ZNF333: variants seen among roughly 807,000 people sequenced by gnomAD.
ZNF333 encodes zinc finger protein 333.
In ZNF333, 61 loss-of-function variants were observed where a neutral mutation model predicts 76.1. The ratio of observed to expected loss-of-function variants is 0.80; its 90% CI spans 0.65 to 0.99. The LOEUF (loss-of-function observed/expected upper bound fraction) is 0.99. ZNF333 is among the 50% of genes least tolerant of loss of function. The probability of loss-of-function intolerance (pLI) is 0.00; values close to 1 mark genes in which losing one functional copy is unlikely to be tolerated. For synonymous variants in ZNF333, 284 were observed against 305.0 expected, an observed-to-expected ratio of 0.93 and a Z score of 0.72; for missense variants, 717 against 822.4, an observed-to-expected ratio of 0.87 and a Z score of 1.57.
At chr19:14,714,628 G>A (rs946266257) in intron 7 of ZNF333, 2 of 152,400 alleles carry the variant, frequency 1.3e-5, no homozygotes, top group Non-Finnish European at 2.9e-5. Flanking sequence ...GTCAGGGATT[G>A]GGTGTGGGTC....
At chr19:14,731,284 C>G (rs1331162669) in exon 12 of ZNF333, 2 of 1,209,550 alleles carry the variant, frequency 1.7e-6, no homozygotes, top group African/African-American at 1.5e-5. Context: ...CTTGAAGACT[C>G]CAAATCTGCA....
chr19:14,719,164 A>G lies in ZNF333; in HGVS notation c.1837A>G (p.Ser613Gly). 9.9e-6 allele frequency: 16 copies of G among 1,614,220 alleles called. No homozygotes were observed. Among genetic ancestry groups the G allele is most frequent in the African/African-American group, 1.3e-5 (1 of 75,042 alleles). ...SHLIVHVRTH[S>G]AGRPYQCNQC... ...TCTTATTGTACATGTGAGAACACAC[A>G]GTGCCGGGAGACCCTATCAATGTAA... Residue 613 changes from serine (S) to glycine (G), a missense_variant, in exon 12 of 12, where the codon AGT (serine) becomes GGT (glycine). Physicochemically the swap from Ser to Gly is moderately conservative, Grantham distance 56. Transcript: ENST00000292530.
At chr19:14,716,959 T>A in intron 9 of ZNF333, 35 bp from the exon 10 acceptor site, 1 of 1,577,620 alleles carries the variant, frequency 6.3e-7, no homozygotes, top group Non-Finnish European at 8.6e-7. Flanking sequence ...CATGGCACAG[T>A]CCTCGCACAA....
intron 5 of ZNF333, chr19:14,700,142 C>T (rs1973573600): frequency 1.3e-5 from 2 of 152,572 alleles, no homozygotes; most frequent in South Asian, 4.1e-4. Flanking sequence ...GTACCTGGGA[C>T]CACAGGCCTG....
intron 7 of ZNF333, among the ~76,000 whole-genome samples, chr19:14,713,357 C>A (rs2042332808): frequency 6.6e-6 from 1 of 152,114 alleles, no homozygotes; most frequent in African/African-American, 2.4e-5. Context: ...GACCTCTGGA[C>A]CTCATTTTGG....
At chr19:14,730,459 T>TTCCCTCCCTTCCTCCCTTC (rs2042660989) in intron 11 of ZNF333, among the ~76,000 whole-genome samples, 230 of 150,896 alleles carry the variant, frequency 1.5e-3, no homozygotes, top group African/African-American at 5.3e-3. Flanking sequence ...TCCCTTCCTC[T>TTCCCTCCCTTCCTCCCTTC]CTTTCTTTCA....
At position 14,717,898 on chromosome 19, in the gene ZNF333, G is replaced by T. The variant is rs138597442; in HGVS notation, c.900+165G>T. On this transcript the variant is annotated intron_variant, in intron 11 of 11. Transcript: ENST00000292530. ...GAGAGTCCGTGAATGTCATGAATTG[G>T]TGGAAAACTAAATGTAGATCATGTT... Among the ~76,000 whole-genome samples the T allele has an allele frequency of 1.7e-3, 254 of 152,328 alleles. 1 individual carries two copies. The highest frequency in any genetic ancestry group is 2.8e-3 in the Non-Finnish European group (190 of 68,030).
At chr19:14,712,911 A>G (rs62125498) in intron 7 of ZNF333, among the ~76,000 whole-genome samples, 5,897 of 152,238 alleles carry the variant, frequency 0.039, 137 homozygotes, top group Middle Eastern at 0.092. Flanking sequence ...AGTTCAAACC[A>G]TAGCAGTCTG....
intron 9 of ZNF333, among the ~76,000 whole-genome samples, chr19:14,716,745 G>A (rs1228844240): frequency 1.3e-5 from 2 of 152,180 alleles, no homozygotes; most frequent in African/African-American, 4.8e-5. Context: ...AAGTTTTTGG[G>A]CTTCTCAAAG....
Position 14,708,415 on chromosome 19 carries a change from C to T in ZNF333, c.511+1642C>T, listed in dbSNP as rs544656229. 22 of 401,246 alleles carry T rather than the reference C, an allele frequency of 5.5e-5. 1 individual carries two copies. The South Asian group carries it at 2.6e-3, about 48-fold the overall frequency. The allele number at this position is 401,246 out of a possible 1,614,324, so 24.9% of individuals were successfully genotyped here. The stretch of plus-strand genomic sequence containing the variant: ...ACACCGACCCCTCCTCCGTGGAGCT[C>T]ACGGTCAGCTGGGTGGTCAGAGTTC... On this transcript the variant is annotated intron_variant, in intron 7 of 11. Coordinates refer to ENST00000292530, the MANE Select transcript of ZNF333 (RefSeq NM_032433.4).
Position 14,718,678 on chromosome 19 carries a change from G to A in ZNF333, c.1351G>A (p.Glu451Lys), listed in dbSNP as rs542691118. Residue 451 changes from glutamate (E) to lysine (K), a missense_variant, in exon 12 of 12, where the codon GAG becomes AAG. By Grantham distance (56) the Glu-to-Lys change is moderately conservative. Coordinates refer to ENST00000292530, the MANE Select transcript of ZNF333 (RefSeq NM_032433.4). ...QRNHTGEKPY[E>K]CKDCGKAFNQ... is the part of the protein sequence containing the mutation. ...AAACCACACAGGAGAGAAGCCCTACGAGTGTAAAGATTGTGGGAAAGCCTT... is the reference window on the plus strand; with the variant it reads ...AAACCACACAGGAGAGAAGCCCTACAAGTGTAAAGATTGTGGGAAAGCCTT... 2.2e-5 allele frequency: 35 copies of A among 1,613,988 alleles called. No homozygotes were observed. The highest frequency in any genetic ancestry group is 1.6e-4 in the Middle Eastern group (1 of 6,062).
In ZNF333 at chr19:14,718,905, G is replaced by A. The variant is rs768313095; in HGVS notation, c.1578G>A (p.Arg526=). 6.2e-7 allele frequency: 1 copy of A among 1,613,888 alleles called. No individual in the cohort carries two copies. ...GCACTCATCTGAACGTGCACAAGAG[G>A]ATACACACAGGGGAGAAACTGTATG... The part of the protein sequence containing the change: ...RTSTHLNVHK[R]IHTGEKLYEC... Residue 526 remains arginine, a synonymous_variant, in exon 12 of 12, where the codon AGG becomes AGA. Transcript: ENST00000292530.
chr19:14,705,468 C>T lies in ZNF333; in HGVS notation c.423+298C>T, dbSNP rs764146785. ...CCTTCCACCCCAGCCCCACTGCTTC[C>T]ATAACCTCGAAACTGACAGGAACTG... On this transcript the variant is annotated intron_variant, in intron 6 of 11. Transcript: ENST00000292530. Among the ~76,000 whole-genome samples, 5 of 152,196 alleles carry T rather than the reference C, an allele frequency of 3.3e-5. No individual in the cohort carries two copies. The East Asian group carries it at 9.6e-4, about 29-fold the overall frequency.
Position 14,720,058 on chromosome 19 carries a change from C to A in ZNF333, c.*733C>A. 3 of 728,746 alleles carry A rather than the reference C, an allele frequency of 4.1e-6. No homozygotes were observed. Among genetic ancestry groups the A allele is most frequent in the East Asian group, 1.3e-4 (1 of 7,624 alleles). The allele number at this position is 728,746 out of a possible 1,614,324, so 45.1% of individuals were successfully genotyped here. A position where few individuals can be genotyped will look rare whatever the true frequency, so the allele number is the denominator to read the frequency against. Reference sequence around the variant, plus strand: ...AAAATTAGCCAAGTTTGGTGGCATGCACCTGTAATCCCAGCTACTTGGGAG... The same window carrying A: ...AAAATTAGCCAAGTTTGGTGGCATGAACCTGTAATCCCAGCTACTTGGGAG... On this transcript the variant is annotated 3_prime_UTR_variant, in exon 12 of 12. Transcript: ENST00000292530.
At chr19:14,691,422 T>G (rs1311804735) in intron 1 of ZNF333, among the ~76,000 whole-genome samples, 1 of 152,184 alleles carries the variant, frequency 6.6e-6, no homozygotes, top group Non-Finnish European at 1.5e-5. Flanking sequence ...TGGGATGTCT[T>G]TTTTAATAAT....
chr19:14,690,711 G>A (rs1972699208), intron 1 of ZNF333, among the ~76,000 whole-genome samples: 1 of 152,186 alleles, frequency 6.6e-6, no homozygotes, highest in South Asian at 2.1e-4. Flanking sequence ...CTGACAATTT[G>A]AAGTCTTTTA....
At chr19:14,692,910 C>G (rs1025788008) in intron 1 of ZNF333, among the ~76,000 whole-genome samples, 2 of 151,346 alleles carry the variant, frequency 1.3e-5, no homozygotes, top group Non-Finnish European at 2.9e-5. Context: ...GTAACCTCCG[C>G]CTCCTGGGTT....
intron 1 of ZNF333, among the ~76,000 whole-genome samples, chr19:14,691,784 C>A (rs1037270425): frequency 6.8e-5 from 10 of 146,282 alleles, no homozygotes; most frequent in African/African-American, 2.5e-4. Context: ...TCAAGCAATT[C>A]TCGTGCCTCA....
In ZNF333 at chr19:14,715,459, G is replaced by A. The variant is rs140185448; in HGVS notation, c.589G>A (p.Ala197Thr). The A allele has an allele frequency of 1.3e-4, 206 of 1,613,730 alleles. No homozygotes were observed. The highest frequency in any genetic ancestry group is 4.9e-4 in the South Asian group (45 of 91,056). ...AGCTATGGCTCCTGGGCTGCCAACC[G>A]CCTGTTCACAGGTAGGTAAGAACTT... Reference protein sequence around the residue: ...EEAMAPGLPTACSQEPVTFAD... With the variant: ...EEAMAPGLPTTCSQEPVTFAD... The change falls in exon 8 of 12, where the codon GCC (alanine) becomes ACC (threonine). Residue 197 changes from alanine to threonine, a missense_variant. Transcript: ENST00000292530.
Sources: gnomAD v4.1 joint callset for allele counts (sites outside exome capture counted in the v4.1 genomes callset) on GRCh38, gnomAD v4.1.1 for gene constraint, MANE v1.5 for transcripts, NCBI Gene and HGNC (gene_info 2026-07-23, HGNC 2026-07-21) for gene names.